ZBTB7C: variants seen among roughly 807,000 people sequenced by gnomAD.
ZBTB7C encodes the protein zinc finger and BTB domain-containing protein 7C.
Under a neutral mutation model 25.7 loss-of-function variants are expected in ZBTB7C, and 8 were observed. The ratio of observed to expected loss-of-function variants is 0.31; its 90% confidence interval spans 0.18 to 0.56. The LOEUF (loss-of-function observed/expected upper bound fraction) is 0.56, where lower values mean the gene tolerates loss of function less well. Ranked by LOEUF, ZBTB7C falls within the 20% of genes least tolerant of loss-of-function variation. ZBTB7C has a pLI of 0.91. For missense variants in ZBTB7C, 824 were observed against 855.2 expected, an observed-to-expected ratio of 0.96 and a Z score of 0.46; for synonymous variants, 394 against 369.0, an observed-to-expected ratio of 1.07 and a Z score of -0.78.
chr18:48,037,217 T>A (rs1404933136), intron 4 of ZBTB7C, among the ~76,000 whole-genome samples: 3 of 152,202 alleles, frequency 2.0e-5, no homozygotes, highest in African/African-American at 7.2e-5. Flanking sequence ...CTGAGGGGGC[T>A]GCAATGCAGC....
intron 3 of ZBTB7C, among the ~76,000 whole-genome samples, chr18:48,143,933 A>G (rs955135094): frequency 9.9e-5 from 15 of 152,168 alleles, no homozygotes; most frequent in African/African-American, 3.4e-4. Context: ...AGTCCGGCCC[A>G]ACTCTGAATA....
intron 2 of ZBTB7C, among the ~76,000 whole-genome samples, chr18:48,198,207 T>G (rs934180966): frequency 2.6e-5 from 4 of 152,226 alleles, no homozygotes; most frequent in Non-Finnish European, 4.4e-5. Flanking sequence ...GTTAGAAATC[T>G]GTCCATTCCA....
In ZBTB7C at chr18:48,029,542, C is replaced by A; in HGVS notation, c.1578G>T (p.Pro526=). ...GHLGGAAVCL[P]GPSPAKHFLA... is the part of the protein sequence containing the mutation. Reference sequence around the variant, plus strand: ...GGAAGTGCTTGGCGGGGCTGGGGCCCGGGAGGCACACAGCTGCGCCGCCCA... The same window carrying A: ...GGAAGTGCTTGGCGGGGCTGGGGCCAGGGAGGCACACAGCTGCGCCGCCCA... The change falls in exon 5 of 5, where the codon CCG becomes CCT. Residue 526 remains proline (P), a synonymous_variant. Coordinates refer to ENST00000590800, the MANE Select transcript of ZBTB7C (RefSeq NM_001318841.2). 2 of 1,563,836 alleles carry A rather than the reference C, an allele frequency of 1.3e-6. No individual in the cohort carries two copies. Among genetic ancestry groups the A allele is most frequent in the Admixed American group, 1.9e-5 (1 of 53,666 alleles).
intron 3 of ZBTB7C, among the ~76,000 whole-genome samples, chr18:48,076,374 C>T (rs2144440761): frequency 6.6e-6 from 1 of 152,112 alleles, no homozygotes; most frequent in Non-Finnish European, 1.5e-5. Context: ...GTGGTAAGGA[C>T]CTAGAAAAGA....
intron 1 of ZBTB7C, among the ~76,000 whole-genome samples, chr18:48,404,270 T>C (rs1445019853): frequency 1.3e-5 from 2 of 151,638 alleles, no homozygotes; most frequent in South Asian, 4.2e-4. Flanking sequence ...AAAAAGAATA[T>C]AGTCCAGGTG....
chr18:48,145,585 C>T (rs1273160760), intron 3 of ZBTB7C, among the ~76,000 whole-genome samples: 2 of 152,230 alleles, frequency 1.3e-5, no homozygotes, highest in Admixed American at 6.5e-5. Flanking sequence ...CTTGTCCCAT[C>T]TGTCAAAATG....
intron 3 of ZBTB7C, among the ~76,000 whole-genome samples, chr18:48,094,239 A>C (rs1486783651): frequency 4.6e-5 from 7 of 152,172 alleles, no homozygotes; most frequent in Non-Finnish European, 1.0e-4. Flanking sequence ...CATCTGGCTG[A>C]GTCCCTCTCA....
chr18:48,190,626 C>A (rs970450521), intron 2 of ZBTB7C, among the ~76,000 whole-genome samples: 1 of 152,194 alleles, frequency 6.6e-6, no homozygotes, highest in African/African-American at 2.4e-5. Flanking sequence ...CAGAAGGGAA[C>A]AGCCACTAGA....
chr18:48,131,775 A>G (rs999022979), intron 3 of ZBTB7C, among the ~76,000 whole-genome samples: 1 of 152,228 alleles, frequency 6.6e-6, no homozygotes, highest in African/African-American at 2.4e-5. Context: ...CACTATACCT[A>G]TAGAAAGCAA....
intron 1 of ZBTB7C, among the ~76,000 whole-genome samples, chr18:48,360,181 A>T (rs982088457): frequency 2.6e-4 from 40 of 152,238 alleles, no homozygotes. Flanking sequence ...CTACAACAAT[A>T]TGACACTAAA....
upstream of ZBTB7C, among the ~76,000 whole-genome samples, chr18:48,410,491 G>A (rs4471754): frequency 6.6e-6 from 1 of 152,144 alleles, no homozygotes; most frequent in Non-Finnish European, 1.5e-5. Flanking sequence ...GGAGTCTGTC[G>A]GGGCAGGAGA....
chr18:48,115,738 A>G (rs899409357), intron 3 of ZBTB7C, among the ~76,000 whole-genome samples: 3 of 152,140 alleles, frequency 2.0e-5, no homozygotes, highest in African/African-American at 7.2e-5. Flanking sequence ...GGAGTGAAAT[A>G]TACATAGGGG....
chr18:48,406,283 A>G (rs2048279463), intron 1 of ZBTB7C, among the ~76,000 whole-genome samples: 1 of 151,694 alleles, frequency 6.6e-6, no homozygotes, highest in Non-Finnish European at 1.5e-5. Flanking sequence ...TGTAACTACA[A>G]CCCCACCACT....
chr18:48,175,285 T>C lies in ZBTB7C; in HGVS notation c.-17+10649A>G, dbSNP rs376394335. ...GGATGAGAGGAAGGTTTGTTGGTTG[T>C]AGTGATTTGGGTGAAACAATTCTGA... On this transcript the variant is annotated intron_variant, in intron 3 of 4. Coordinates refer to ENST00000590800, the MANE Select transcript of ZBTB7C (RefSeq NM_001318841.2). 5.3e-5 allele frequency among the ~76,000 whole-genome samples: 8 copies of C among 152,282 alleles called. No individual in the cohort carries two copies. The East Asian group carries it at 1.2e-3, about 22-fold the overall frequency.
intron 2 of ZBTB7C, among the ~76,000 whole-genome samples, chr18:48,260,576 C>T (rs1248557369): frequency 1.3e-5 from 2 of 152,174 alleles, no homozygotes; most frequent in Non-Finnish European, 2.9e-5. Context: ...GCCTGGGTAA[C>T]CTCCTGGAGT....
intron 2 of ZBTB7C, among the ~76,000 whole-genome samples, chr18:48,245,721 T>C (rs2043674215): frequency 1.3e-5 from 2 of 152,134 alleles, no homozygotes; most frequent in Non-Finnish European, 1.5e-5. Context: ...GGGGAATTCC[T>C]AGAATGCTAG....
At chr18:48,290,126 G>A (rs901072533) in intron 2 of ZBTB7C, among the ~76,000 whole-genome samples, 3 of 152,166 alleles carry the variant, frequency 2.0e-5, no homozygotes, top group Non-Finnish European at 2.9e-5. Context: ...TTAGCACCTC[G>A]TACACGCTCA....
intron 2 of ZBTB7C, among the ~76,000 whole-genome samples, chr18:48,301,516 G>A (rs925716970): frequency 6.6e-5 from 10 of 152,090 alleles, no homozygotes; most frequent in African/African-American, 2.4e-4. Context: ...CCTCAGCAGG[G>A]GGCTGAGGGA....
intron 2 of ZBTB7C, among the ~76,000 whole-genome samples, chr18:48,256,918 C>T (rs2044037347): frequency 6.6e-6 from 1 of 151,472 alleles, no homozygotes; most frequent in Non-Finnish European, 1.5e-5. Context: ...ATATTCAGTC[C>T]AAAGGAAGGC....
Sources: gnomAD v4.1 joint callset for allele counts (sites outside exome capture counted in the v4.1 genomes callset) on GRCh38, gnomAD v4.1.1 for gene constraint, MANE v1.5 for transcripts, NCBI Gene and HGNC (gene_info 2026-07-23, HGNC 2026-07-21) for gene names.